The following SRPK2 variants were observed in gnomAD, a reference collection of about 807,000 sequenced individuals.
The protein encoded by SRPK2 is SFRS protein kinase 2.
A neutral mutation model predicts 90.8 loss-of-function variants in SRPK2; 21 were observed. That is an observed-to-expected ratio of 0.23 (90% CI 0.16 to 0.33). SRPK2 has a LOEUF of 0.33. Ranked by LOEUF, SRPK2 falls within the 10% of genes least tolerant of loss-of-function variation. The probability of loss-of-function intolerance (pLI) is 1.00; values close to 1 mark genes in which losing one functional copy is unlikely to be tolerated. For synonymous variants in SRPK2, 288 were observed against 311.1 expected (o/e 0.93, Z 0.78); for missense variants, 620 against 869.0 (o/e 0.71, Z 3.60).
chr7:105,398,725 C>T (rs536510210), intron 1 of SRPK2, among the ~76,000 whole-genome samples: 7 of 152,212 alleles, frequency 4.6e-5, no homozygotes, highest in South Asian at 2.1e-4. Context: ...TTCACTATAG[C>T]GTACTTCTCA....
chr7:105,182,774 G>C (rs1354390510), intron 3 of SRPK2, among the ~76,000 whole-genome samples: 3 of 152,070 alleles, frequency 2.0e-5, no homozygotes, highest in Non-Finnish European at 4.4e-5. Context: ...GGCAAGTTTT[G>C]ACTTTGTTAC....
chr7:105,240,902 A>C (rs1434983151), intron 2 of SRPK2, among the ~76,000 whole-genome samples: 2 of 152,228 alleles, frequency 1.3e-5, no homozygotes, highest in Non-Finnish European at 2.9e-5. Context: ...GTACTATGCC[A>C]GTTCACAGCC....
chr7:105,167,674 G>A (rs933473116), intron 5 of SRPK2, among the ~76,000 whole-genome samples: 2 of 151,526 alleles, frequency 1.3e-5, no homozygotes, highest in South Asian at 4.2e-4. Flanking sequence ...GCAGTGGTAC[G>A]ATCTCGGCTC....
intron 2 of SRPK2, among the ~76,000 whole-genome samples, chr7:105,360,874 T>C (rs1432578591): frequency 6.6e-6 from 1 of 152,150 alleles, no homozygotes; most frequent in Non-Finnish European, 1.5e-5. Flanking sequence ...AATATCATAC[T>C]GAATGGGCAA....
chr7:105,384,167 T>C (rs1355598286), intron 2 of SRPK2, among the ~76,000 whole-genome samples: 2 of 152,182 alleles, frequency 1.3e-5, no homozygotes, highest in Non-Finnish European at 2.9e-5. Context: ...ATTTTAAAAA[T>C]TGTACCTCCA....
intron 2 of SRPK2, among the ~76,000 whole-genome samples, chr7:105,241,595 A>G (rs1290425285): frequency 2.6e-5 from 4 of 152,188 alleles, no homozygotes; most frequent in African/African-American, 4.8e-5. Context: ...AACTTTCCAG[A>G]ATTTAGCTTC....
intron 3 of SRPK2, among the ~76,000 whole-genome samples, chr7:105,182,376 C>G (rs2129599132): frequency 6.7e-6 from 1 of 150,224 alleles, no homozygotes; most frequent in Middle Eastern, 3.5e-3. Context: ...AGAAAGAAAA[C>G]AAGAATGGTA....
intron 2 of SRPK2, among the ~76,000 whole-genome samples, chr7:105,359,038 C>G (rs535941906): frequency 1.2e-4 from 18 of 151,478 alleles, no homozygotes; most frequent in Non-Finnish European, 2.5e-4. Flanking sequence ...TCAAGCCATT[C>G]AAGAGGGATC....
In SRPK2 at chr7:105,116,741, G is replaced by A. The variant is rs1465613283; in HGVS notation, c.*1097C>T. On this transcript the variant is annotated 3_prime_UTR_variant, in exon 16 of 16. Coordinates refer to ENST00000393651, the MANE Select transcript of SRPK2 (RefSeq NM_182692.3). The stretch of plus-strand genomic sequence containing the variant: ...TTTTCTCAACTTCGTTTCATGGAAA[G>A]ACAATGAAAAAGCTAGTAAAATTTG... The A allele has an allele frequency of 6.6e-6, 1 of 152,552 alleles. No homozygotes were observed. The highest frequency in any genetic ancestry group is 1.9e-4 in the East Asian group (1 of 5,202). 9.4% of individuals were successfully genotyped at this position (152,552 alleles called of 1,614,324 possible).
intron 7 of SRPK2, among the ~76,000 whole-genome samples, chr7:105,152,621 C>G (rs1205505653): frequency 6.6e-6 from 1 of 152,168 alleles, no homozygotes; most frequent in Non-Finnish European, 1.5e-5. Flanking sequence ...CAAAAGGAAT[C>G]ATGTTTCATC....
chr7:105,307,432 A>G (rs1740103546), intron 2 of SRPK2, among the ~76,000 whole-genome samples: 1 of 152,250 alleles, frequency 6.6e-6, no homozygotes, highest in Admixed American at 6.5e-5. Flanking sequence ...AAGCTGGTGA[A>G]CAGAATCACT....
chr7:105,197,263 C>T (rs1795029250), intron 3 of SRPK2, among the ~76,000 whole-genome samples: 1 of 152,162 alleles, frequency 6.6e-6, no homozygotes, highest in African/African-American at 2.4e-5. Flanking sequence ...ACTCATCTGA[C>T]ATGCTTCTAG....
chr7:105,210,481 A>G (rs1796717675), intron 2 of SRPK2, among the ~76,000 whole-genome samples: 1 of 152,206 alleles, frequency 6.6e-6, no homozygotes, highest in African/African-American at 2.4e-5. Flanking sequence ...AGTATCCCTC[A>G]TTCAAAATAC....
At chr7:105,376,221 T>C (rs1820281030) in intron 2 of SRPK2, among the ~76,000 whole-genome samples, 1 of 151,724 alleles carries the variant, frequency 6.6e-6, no homozygotes, top group Non-Finnish European at 1.5e-5. Context: ...ATGGTCTCTA[T>C]CTCCTGACCT....
intron 2 of SRPK2, among the ~76,000 whole-genome samples, chr7:105,314,118 G>T (rs1323279650): frequency 1.3e-5 from 2 of 151,998 alleles, no homozygotes; most frequent in Non-Finnish European, 2.9e-5. Context: ...GTAATTTGAG[G>T]CCAGGAGCTA....
At chr7:105,314,545 G>C (rs528973354) in intron 2 of SRPK2, among the ~76,000 whole-genome samples, 1 of 151,898 alleles carries the variant, frequency 6.6e-6, no homozygotes, top group African/African-American at 2.4e-5. Context: ...CATCACGCCC[G>C]GCCAATTTTT....
intron 2 of SRPK2, among the ~76,000 whole-genome samples, chr7:105,291,955 A>G (rs1809084641): frequency 1.3e-5 from 2 of 152,232 alleles, no homozygotes; most frequent in African/African-American, 4.8e-5. Context: ...AATATTTTAA[A>G]CAGAAGAATA....
At chr7:105,377,177 G>C (rs1228446676) in intron 2 of SRPK2, among the ~76,000 whole-genome samples, 1 of 152,072 alleles carries the variant, frequency 6.6e-6, no homozygotes, top group Non-Finnish European at 1.5e-5. Flanking sequence ...GTTTCTGTAA[G>C]ACAACTTTCT....
chr7:105,334,987 G>A lies in SRPK2; in HGVS notation c.71+53661C>T, dbSNP rs995078288. The stretch of plus-strand genomic sequence containing the variant: ...AGTTCGATATCAGTCTGGCCAACAC[G>A]GTGAAACCCCGTCTCTACTACAAAT... On this transcript the variant is annotated intron_variant, in intron 2 of 15. Coordinates refer to ENST00000393651, the MANE Select transcript of SRPK2 (RefSeq NM_182692.3). 3.7e-4 allele frequency among the ~76,000 whole-genome samples: 56 copies of A among 150,236 alleles called. 4 individuals carry two copies. Among genetic ancestry groups the A allele is most frequent in the African/African-American group, 1.4e-3 (55 of 40,410 alleles).
Sources: gnomAD v4.1 joint callset for allele counts (sites outside exome capture counted in the v4.1 genomes callset) on GRCh38, gnomAD v4.1.1 for gene constraint, MANE v1.5 for transcripts, NCBI Gene and HGNC (gene_info 2026-07-23, HGNC 2026-07-21) for gene names.